TBC1D19: variants seen among roughly 807,000 people sequenced by gnomAD.
TBC1D19 encodes TBC1 domain family member 19.
A neutral mutation model predicts 89.0 loss-of-function variants in TBC1D19; 60 were observed. The ratio of observed to expected loss-of-function variants is 0.67; its 90% CI spans 0.55 to 0.84. The LOEUF (loss-of-function observed/expected upper bound fraction) is 0.84. Among genes scored for constraint, TBC1D19 ranks in the 40% least tolerant of loss-of-function variants. TBC1D19 has a pLI of 0.00. For missense variants in TBC1D19, 500 were observed against 610.8 expected (o/e 0.82, Z 1.91); for synonymous variants, 189 against 199.7 (o/e 0.95, Z 0.45).
the TBC1D19 span, among the ~76,000 whole-genome samples, chr4:26,842,636 C>CTTTCTTTCT: frequency 1.6e-3 from 201 of 123,258 alleles, 3 homozygotes; most frequent in South Asian, 4.0e-3. Flanking sequence ...TTCTTTCTTT[C>CTTTCTTTCT]TTTCTTTCTT....
At position 26,601,548 on chromosome 4, in the gene TBC1D19, C is replaced by T. The variant is rs1469075073; in HGVS notation, c.100-11621C>T. 2.6e-5 allele frequency among the ~76,000 whole-genome samples: 4 copies of T among 152,112 alleles called. No individual in the cohort carries two copies. In the East Asian group the frequency reaches 5.8e-4, roughly 22 times the overall value. On this transcript the variant is annotated intron_variant, in intron 1 of 20. Transcript: ENST00000264866. ...AGGTGACAAGATGGGAGTGAGTTCCCAATGTAGGAACAGTAAGAAGGCTAA... is the reference window on the plus strand; with the variant it reads ...AGGTGACAAGATGGGAGTGAGTTCCTAATGTAGGAACAGTAAGAAGGCTAA...
chr4:26,802,854 A>G, the TBC1D19 span, among the ~76,000 whole-genome samples: 1 of 152,208 alleles, frequency 6.6e-6, no homozygotes, highest in African/African-American at 2.4e-5. Flanking sequence ...CCACAGTTCT[A>G]AAAACTGGAA....
chr4:26,825,441 T>A, the TBC1D19 span, among the ~76,000 whole-genome samples: 1 of 152,202 alleles, frequency 6.6e-6, no homozygotes, highest in Non-Finnish European at 1.5e-5. Context: ...ACTAGGTATA[T>A]AAGGGCATGC....
chr4:26,665,486 T>C (rs1158833933), intron 8 of TBC1D19, among the ~76,000 whole-genome samples: 1 of 152,100 alleles, frequency 6.6e-6, no homozygotes, highest in Non-Finnish European at 1.5e-5. Flanking sequence ...GGTTTTTATA[T>C]ATTTAAAAAA....
intron 4 of TBC1D19, among the ~76,000 whole-genome samples, chr4:26,621,024 A>G (rs933313004): frequency 2.0e-5 from 3 of 152,202 alleles, no homozygotes; most frequent in African/African-American, 7.2e-5. Context: ...GAATGAACTG[A>G]CACCCTCTTT....
At chr4:26,854,650 C>G in the TBC1D19 span, among the ~76,000 whole-genome samples, 7 of 151,956 alleles carry the variant, frequency 4.6e-5, no homozygotes, top group African/African-American at 1.7e-4. Flanking sequence ...ATGTGATGTT[C>G]CCCTTGCTCC....
intron 15 of TBC1D19, among the ~76,000 whole-genome samples, chr4:26,728,359 C>G (rs1717438228): frequency 6.6e-6 from 1 of 152,118 alleles, no homozygotes; most frequent in South Asian, 2.1e-4. Context: ...CAAAATATGC[C>G]TACTATTTAT....
At chr4:26,727,088 T>C (rs1717366374) in intron 15 of TBC1D19, among the ~76,000 whole-genome samples, 1 of 152,176 alleles carries the variant, frequency 6.6e-6, no homozygotes, top group Admixed American at 6.5e-5. Flanking sequence ...AGAAGAACTC[T>C]GAGGCCAGCT....
intron 1 of TBC1D19, among the ~76,000 whole-genome samples, chr4:26,607,568 C>G (rs1381851508): frequency 6.6e-6 from 1 of 152,088 alleles, no homozygotes; most frequent in Non-Finnish European, 1.5e-5. Flanking sequence ...TGCCAAATCC[C>G]ACTCTCATTT....
At chr4:26,789,411 C>A in the TBC1D19 span, among the ~76,000 whole-genome samples, 2 of 152,136 alleles carry the variant, frequency 1.3e-5, no homozygotes, top group African/African-American at 4.8e-5. Flanking sequence ...CATGAACAGA[C>A]ATTTTTCAAA....
the TBC1D19 span, among the ~76,000 whole-genome samples, chr4:26,839,750 A>T: frequency 6.6e-6 from 1 of 152,150 alleles, no homozygotes; most frequent in Admixed American, 6.5e-5. Flanking sequence ...GCCAGATCCA[A>T]TGACCTATTT....
intron 15 of TBC1D19, among the ~76,000 whole-genome samples, chr4:26,726,289 G>C (rs1717318641): frequency 6.6e-6 from 1 of 152,044 alleles, no homozygotes; most frequent in African/African-American, 2.4e-5. Context: ...ACAAAGATTA[G>C]ATAAGGCTCT....
upstream of TBC1D19, chr4:26,583,998 G>T: frequency 1.7e-6 from 1 of 583,980 alleles, no homozygotes. Context: ...GAACGCAGAT[G>T]CTGTGGCCTT....
At chr4:26,782,189 T>C in the TBC1D19 span, among the ~76,000 whole-genome samples, 161 of 152,352 alleles carry the variant, frequency 1.1e-3, 2 homozygotes, top group Admixed American at 4.2e-3. Flanking sequence ...AAAATTTGGT[T>C]CAGATGTCAA....
chr4:26,849,201 AACACACACAC>A, the TBC1D19 span, among the ~76,000 whole-genome samples: 3 of 149,278 alleles, frequency 2.0e-5, no homozygotes, highest in African/African-American at 2.5e-5. Flanking sequence ...CACACACACA[AACACACACAC>A]ACACACACAC....
the TBC1D19 span, among the ~76,000 whole-genome samples, chr4:26,850,313 C>T: frequency 0.34 from 51,337 of 151,300 alleles, 8,961 homozygotes; most frequent in African/African-American, 0.44. Context: ...CTTTGGGAGG[C>T]TGAGGCAGGT....
intron 7 of TBC1D19, among the ~76,000 whole-genome samples, chr4:26,656,923 T>G (rs1744861582): frequency 2.0e-5 from 3 of 151,228 alleles, no homozygotes. Context: ...TTTTTTTTCC[T>G]TGTGAGTTTG....
intron 15 of TBC1D19, among the ~76,000 whole-genome samples, chr4:26,729,984 T>C (rs1717554653): frequency 1.3e-5 from 2 of 152,202 alleles, no homozygotes; most frequent in African/African-American, 4.8e-5. Context: ...CATGGTCTCA[T>C]TAATATTTTT....
chr4:26,601,869 A>G (rs976792778), intron 1 of TBC1D19, among the ~76,000 whole-genome samples: 3 of 152,092 alleles, frequency 2.0e-5, no homozygotes, highest in Admixed American at 6.5e-5. Context: ...CAGTCTGTTC[A>G]CTCAGCCTCT....
Sources: gnomAD v4.1 joint callset for allele counts (sites outside exome capture counted in the v4.1 genomes callset) on GRCh38, gnomAD v4.1.1 for gene constraint, MANE v1.5 for transcripts, NCBI Gene and HGNC (gene_info 2026-07-23, HGNC 2026-07-21) for gene names.